AUTS2: variants seen among roughly 807,000 people sequenced by gnomAD.
AUTS2 encodes autism susceptibility gene 2 protein.
In AUTS2, 17 loss-of-function variants were observed where a neutral mutation model predicts 112.4. The observed-to-expected ratio is 0.15, with a 90% CI of 0.10 to 0.23. The LOEUF is 0.23. Among genes scored for constraint, AUTS2 ranks in the 10% least tolerant of loss-of-function variants. The pLI, the probability that AUTS2 is intolerant of heterozygous loss-of-function variation, is 1.00. For missense variants in AUTS2, 1,510 were observed against 1,701.6 expected (o/e 0.89, Z 1.98); for synonymous variants, 751 against 702.7 (o/e 1.07, Z -1.09).
intron 1 of AUTS2, among the ~76,000 whole-genome samples, chr7:69,845,525 A>G (rs1045244033): frequency 6.6e-6 from 1 of 152,210 alleles, no homozygotes; most frequent in African/African-American, 2.4e-5. Context: ...CATAAAATGC[A>G]TGTCTTCCCT....
intron 5 of AUTS2, among the ~76,000 whole-genome samples, chr7:70,525,374 A>G (rs1166188171): frequency 2.6e-5 from 4 of 152,200 alleles, no homozygotes; most frequent in Non-Finnish European, 5.9e-5. Context: ...ATTCCATATC[A>G]TGCCTTGCCC....
At chr7:70,492,905 A>G (rs945381522) in intron 5 of AUTS2, among the ~76,000 whole-genome samples, 5 of 152,236 alleles carry the variant, frequency 3.3e-5, no homozygotes, top group African/African-American at 1.2e-4. Flanking sequence ...CCTTTGCTGG[A>G]TTTAATGAAT....
At chr7:69,691,714 G>T (rs2129179574) in intron 1 of AUTS2, among the ~76,000 whole-genome samples, 1 of 152,062 alleles carries the variant, frequency 6.6e-6, no homozygotes, top group East Asian at 1.9e-4. Flanking sequence ...GCCCAGGAGT[G>T]CAGGGCTCCC....
intron 4 of AUTS2, among the ~76,000 whole-genome samples, chr7:70,331,405 A>AT (rs2129619503): frequency 6.6e-6 from 1 of 151,886 alleles, no homozygotes; most frequent in South Asian, 2.1e-4. Context: ...CCCCTTTATC[A>AT]TTTTTTATTG....
At chr7:70,245,169 T>TATATATATATATATAA (rs1317610996) in intron 4 of AUTS2, among the ~76,000 whole-genome samples, 1 of 118,626 alleles carries the variant, frequency 8.4e-6, no homozygotes, top group African/African-American at 3.3e-5. Flanking sequence ...TATATATATA[T>TATATATATATATATAA]AAAAAATAAA....
intron 4 of AUTS2, among the ~76,000 whole-genome samples, chr7:70,282,975 T>G (rs1788291468): frequency 2.6e-5 from 4 of 152,204 alleles, no homozygotes. Context: ...AAAGCTAACA[T>G]AGCAGCTTCT....
chr7:69,947,231 G>A (rs1281748468), intron 2 of AUTS2, among the ~76,000 whole-genome samples: 1 of 152,164 alleles, frequency 6.6e-6, no homozygotes, highest in Non-Finnish European at 1.5e-5. Context: ...GTTATGTTGT[G>A]TGCAAGGCTT....
chr7:70,462,156 G>T (rs749850952), intron 5 of AUTS2, among the ~76,000 whole-genome samples: 7 of 152,282 alleles, frequency 4.6e-5, no homozygotes, highest in Non-Finnish European at 8.8e-5. Flanking sequence ...GGAGGCTGAG[G>T]CGGGAGAATC....
chr7:69,875,642 T>C (rs372883695), intron 1 of AUTS2, among the ~76,000 whole-genome samples: 1 of 152,122 alleles, frequency 6.6e-6, no homozygotes, highest in East Asian at 1.9e-4. Context: ...GTGTAGAAAA[T>C]GTTGGCGACT....
chr7:70,450,293 C>T (rs1170140205), intron 5 of AUTS2, among the ~76,000 whole-genome samples: 5 of 152,144 alleles, frequency 3.3e-5, no homozygotes, highest in East Asian at 3.8e-4. Context: ...TACAAGACCC[C>T]GTAGCGTATG....
chr7:69,900,336 GAGGA>G (rs1794918217), intron 2 of AUTS2, among the ~76,000 whole-genome samples: 1 of 152,262 alleles, frequency 6.6e-6, no homozygotes, highest in East Asian at 1.9e-4. Flanking sequence ...GAAGAAAGCA[GAGGA>G]AGGAATTGTG....
intron 5 of AUTS2, among the ~76,000 whole-genome samples, chr7:70,609,544 A>C (rs1403914106): frequency 5.3e-5 from 8 of 149,954 alleles, no homozygotes; most frequent in African/African-American, 1.5e-4. Flanking sequence ...ACAGGCGCCC[A>C]CCACCACGCC....
At chr7:70,060,872 A>G (rs1290748823) in intron 2 of AUTS2, among the ~76,000 whole-genome samples, 1 of 152,122 alleles carries the variant, frequency 6.6e-6, no homozygotes, top group Non-Finnish European at 1.5e-5. Flanking sequence ...TGAGGTAGGT[A>G]TTTCTTCCTT....
chr7:69,808,667 G>A (rs543629684), intron 1 of AUTS2, among the ~76,000 whole-genome samples: 6 of 152,290 alleles, frequency 3.9e-5, no homozygotes, highest in South Asian at 4.1e-4. Context: ...AATGTAGCCT[G>A]TGGTATCTGA....
chr7:70,221,098 A>G (rs956875833), intron 4 of AUTS2, among the ~76,000 whole-genome samples: 1 of 152,098 alleles, frequency 6.6e-6, no homozygotes, highest in Non-Finnish European at 1.5e-5. Context: ...TGTAGAGATG[A>G]AGTCTCACTA....
intron 5 of AUTS2, among the ~76,000 whole-genome samples, chr7:70,498,942 C>A (rs895815523): frequency 6.6e-6 from 1 of 152,150 alleles, no homozygotes; most frequent in African/African-American, 2.4e-5. Context: ...CGCAGGGCAG[C>A]CCCAAGGCAT....
At chr7:69,984,365 C>T (rs906908124) in intron 2 of AUTS2, among the ~76,000 whole-genome samples, 26 of 148,350 alleles carry the variant, frequency 1.8e-4, no homozygotes, top group Middle Eastern at 7.0e-3. Context: ...CAAGATCACG[C>T]CACTGCACTC....
chr7:69,750,030 C>T (rs1252025631), intron 1 of AUTS2, among the ~76,000 whole-genome samples: 1 of 152,146 alleles, frequency 6.6e-6, no homozygotes, highest in African/African-American at 2.4e-5. Flanking sequence ...TACAAGGAAT[C>T]TGAATAACCT....
intron 2 of AUTS2, among the ~76,000 whole-genome samples, chr7:69,948,520 C>T (rs990832461): frequency 1.3e-5 from 2 of 152,098 alleles, no homozygotes; most frequent in African/African-American, 4.8e-5. Context: ...TTAAAAGTTT[C>T]CCCACAAAAC....
Sources: allele counts gnomAD v4.1 joint callset (sites outside exome capture counted in the v4.1 genomes callset), GRCh38; gene constraint gnomAD v4.1.1; transcripts MANE v1.5; gene names NCBI Gene and HGNC (gene_info 2026-07-23, HGNC 2026-07-21).